The following PITPNC1 variants were observed in gnomAD, a reference collection of about 807,000 sequenced individuals.
PITPNC1 encodes cytoplasmic phosphatidylinositol transfer protein 1.
In PITPNC1, 18 loss-of-function variants were observed where a neutral mutation model predicts 44.7. That is an observed-to-expected ratio of 0.40 (90% CI 0.28 to 0.60). PITPNC1 has a LOEUF of 0.60. PITPNC1 is among the 20% of genes least tolerant of loss of function. PITPNC1 has a pLI of 0.39. For missense variants in PITPNC1, 290 were observed against 418.4 expected, an observed-to-expected ratio of 0.69 and a Z score of 2.68; for synonymous variants, 141 against 149.6, an observed-to-expected ratio of 0.94 and a Z score of 0.42.
intron 6 of PITPNC1, among the ~76,000 whole-genome samples, chr17:67,655,930 C>CA (rs1374982452): frequency 2.6e-5 from 4 of 152,016 alleles, no homozygotes; most frequent in Non-Finnish European, 5.9e-5. Context: ...GACCCTGTTG[C>CA]AAAAAAACCC....
intron 1 of PITPNC1, among the ~76,000 whole-genome samples, chr17:67,475,884 A>G (rs1246021353): frequency 6.6e-6 from 1 of 152,172 alleles, no homozygotes; most frequent in Non-Finnish European, 1.5e-5. Flanking sequence ...CTGTCAGTTA[A>G]GGCATTGGGC....
chr17:67,669,359 G>A lies in PITPNC1; in HGVS notation c.463-149G>A, dbSNP rs183301057. 2.0e-3 allele frequency: 1,075 copies of A among 526,820 alleles called. 11 individuals are homozygous for A. The highest frequency in any genetic ancestry group is 0.019 in the African/African-American group (981 of 51,002). The allele number at this position is 526,820 out of a possible 1,614,324, so 32.6% of individuals were successfully genotyped here. A position where few individuals can be genotyped will look rare whatever the true frequency, so the allele number is the denominator to read the frequency against. On this transcript the variant is annotated intron_variant, in intron 6 of 8. Transcript: ENST00000581322. ...TTGAACTCCCGACCTCAGGTGATCCGCCCGCCTCAGCCTCCCAAAGTGCTG... is the reference window on the plus strand; with the variant it reads ...TTGAACTCCCGACCTCAGGTGATCCACCCGCCTCAGCCTCCCAAAGTGCTG...
At chr17:67,538,744 A>G (rs953555862) in intron 2 of PITPNC1, among the ~76,000 whole-genome samples, 1 of 152,090 alleles carries the variant, frequency 6.6e-6, no homozygotes, top group Non-Finnish European at 1.5e-5. Context: ...AAATGGAATC[A>G]TTAATATTAC....
At chr17:67,436,781 T>C (rs2038942472) in intron 1 of PITPNC1, among the ~76,000 whole-genome samples, 1 of 152,036 alleles carries the variant, frequency 6.6e-6, no homozygotes, top group Non-Finnish European at 1.5e-5. Context: ...TCCATGGCCT[T>C]TTCTGGAAAG....
intron 1 of PITPNC1, among the ~76,000 whole-genome samples, chr17:67,469,247 A>C (rs2039477130): frequency 6.6e-6 from 1 of 152,072 alleles, no homozygotes; most frequent in African/African-American, 2.4e-5. Flanking sequence ...ACACTGTGAG[A>C]ACTTCCTTTC....
chr17:67,523,815 T>C (rs1198109084), intron 1 of PITPNC1, among the ~76,000 whole-genome samples: 3 of 147,988 alleles, frequency 2.0e-5, no homozygotes, highest in Non-Finnish European at 3.0e-5. Context: ...CCGTTTTTTT[T>C]TTTTTTTTTT....
chr17:67,483,515 C>A (rs1416213188), intron 1 of PITPNC1, among the ~76,000 whole-genome samples: 2 of 152,176 alleles, frequency 1.3e-5, no homozygotes, highest in Non-Finnish European at 2.9e-5. Context: ...TTTTAGAATG[C>A]ATTTCTTACC....
intron 1 of PITPNC1, among the ~76,000 whole-genome samples, chr17:67,388,732 C>T (rs1052365235): frequency 2.6e-5 from 4 of 152,004 alleles, no homozygotes; most frequent in Non-Finnish European, 4.4e-5. Context: ...GCAATCCTCC[C>T]GCCTCAGCTT....
chr17:67,511,508 A>G (rs181698640), intron 1 of PITPNC1, among the ~76,000 whole-genome samples: 2 of 152,030 alleles, frequency 1.3e-5, no homozygotes, highest in African/African-American at 4.8e-5. Context: ...AATACTGGCT[A>G]GCTGTTCTTT....
intron 2 of PITPNC1, among the ~76,000 whole-genome samples, chr17:67,542,094 C>G (rs1473746528): frequency 6.6e-6 from 1 of 152,182 alleles, no homozygotes; most frequent in Non-Finnish European, 1.5e-5. Flanking sequence ...TACACTCAAA[C>G]TATCTATCAG....
At chr17:67,662,013 G>A (rs1418051567) in intron 6 of PITPNC1, among the ~76,000 whole-genome samples, 1 of 134,028 alleles carries the variant, frequency 7.5e-6, no homozygotes, top group African/African-American at 3.3e-5. Flanking sequence ...AATAATAATA[G>A]TAATATGACT....
chr17:67,604,691 A>G (rs1332965848), intron 5 of PITPNC1, among the ~76,000 whole-genome samples: 1 of 152,136 alleles, frequency 6.6e-6, no homozygotes, highest in African/African-American at 2.4e-5. Flanking sequence ...GCTGAGGCAC[A>G]AGAATCACTT....
chr17:67,686,253 T>C (rs902860340), intron 8 of PITPNC1, among the ~76,000 whole-genome samples: 22 of 148,768 alleles, frequency 1.5e-4, no homozygotes, highest in Non-Finnish European at 3.0e-5. Flanking sequence ...CTCCATAGTG[T>C]CCCTGGAATC....
chr17:67,562,682 C>T lies in PITPNC1; in HGVS notation c.294+9065C>T, dbSNP rs371799493. On this transcript the variant is annotated intron_variant, in intron 4 of 8. Transcript: ENST00000581322. Reference sequence around the variant, plus strand: ...ACGTAACCCTCACAAGGCAGAAGGGCGAAGGGAGCTCAAATATCTCCCCTT... The same window carrying T: ...ACGTAACCCTCACAAGGCAGAAGGGTGAAGGGAGCTCAAATATCTCCCCTT... Among the ~76,000 whole-genome samples, 227 of 152,210 alleles carry T rather than the reference C, an allele frequency of 1.5e-3. 1 individual carries two copies. Among genetic ancestry groups the T allele is most frequent in the Middle Eastern group, 0.01 (3 of 294 alleles).
Position 67,514,400 on chromosome 17 carries a change from C to T in PITPNC1, c.49-18402C>T, listed in dbSNP as rs113273958. 4.7e-4 allele frequency among the ~76,000 whole-genome samples: 71 copies of T among 151,298 alleles called. 3 individuals carry two copies. The highest frequency in any genetic ancestry group is 1.7e-3 in the African/African-American group (70 of 41,322). On this transcript the variant is annotated intron_variant, in intron 1 of 8. Transcript: ENST00000581322. The stretch of plus-strand genomic sequence containing the variant: ...TTTTTTAGTAGAGATGGGGTTTTAC[C>T]ATGTTGGCCAGGCTGGTCTTGAACC...
chr17:67,444,931 G>C (rs1371988956), intron 1 of PITPNC1, among the ~76,000 whole-genome samples: 1 of 151,986 alleles, frequency 6.6e-6, no homozygotes, highest in Non-Finnish European at 1.5e-5. Flanking sequence ...AAGTGTATTA[G>C]TGTGCGCTGT....
chr17:67,385,686 C>T (rs552642790), intron 1 of PITPNC1, among the ~76,000 whole-genome samples: 133 of 152,318 alleles, frequency 8.7e-4, no homozygotes, highest in Non-Finnish European at 1.5e-3. Flanking sequence ...GAACCATCTC[C>T]GGACACAGTT....
chr17:67,661,994 C>CATAATA (rs59557224), intron 6 of PITPNC1, among the ~76,000 whole-genome samples: 6 of 150,862 alleles, frequency 4.0e-5, no homozygotes, highest in African/African-American at 1.2e-4. Context: ...GACTCCATCT[C>CATAATA]ATAATAATAA....
chr17:67,630,372 C>A (rs1166585486), intron 5 of PITPNC1, among the ~76,000 whole-genome samples: 1 of 152,142 alleles, frequency 6.6e-6, no homozygotes, highest in African/African-American at 2.4e-5. Context: ...AATCCCAGCA[C>A]TTTGGGAGGC....
Sources: allele counts gnomAD v4.1 joint callset (sites outside exome capture counted in the v4.1 genomes callset), GRCh38; gene constraint gnomAD v4.1.1; transcripts MANE v1.5; gene names NCBI Gene and HGNC (gene_info 2026-07-23, HGNC 2026-07-21).